Variants in PIEZO2 observed in about 807,000 individuals in gnomAD.
PIEZO2 encodes the protein piezo-type mechanosensitive ion channel component 2.
In PIEZO2, 172 loss-of-function variants were observed where a neutral mutation model predicts 337.3. The observed-to-expected ratio is 0.51, with a 90% CI of 0.45 to 0.58. PIEZO2 has a LOEUF of 0.58. Ranked by LOEUF, PIEZO2 falls within the 20% of genes least tolerant of loss-of-function variation. The pLI is 0.00. For missense variants in PIEZO2, 3,028 were observed against 3,391.3 expected (o/e 0.89, Z 2.66); for synonymous variants, 1,251 against 1,228.5 (o/e 1.02, Z -0.38).
intron 30 of PIEZO2, among the ~76,000 whole-genome samples, chr18:10,745,909 G>C: frequency 6.6e-6 from 1 of 152,148 alleles, no homozygotes; most frequent in Non-Finnish European, 1.5e-5. Flanking sequence ...TTCCCTCCCT[G>C]TTTGAGTTCC....
In PIEZO2 at chr18:10,993,425, G is replaced by A. The variant is rs182126136; in HGVS notation, c.161-13765C>T. Among the ~76,000 whole-genome samples the A allele has an allele frequency of 8.3e-4, 126 of 152,298 alleles. No homozygotes were observed. The highest frequency in any genetic ancestry group is 1.5e-3 in the Non-Finnish European group (102 of 68,020). On this transcript the variant is annotated intron_variant, in intron 2 of 55. Transcript: ENST00000674853. The surrounding 1 kb of genome is among the most constrained non-coding windows in gnomAD (Gnocchi z 5.0). ...TTGAGAGTTTTTAGCATGAAGGGGT[G>A]TTGAATTTTGTTGAAAGCCTTTTCT...
intron 47 of PIEZO2, among the ~76,000 whole-genome samples, chr18:10,691,782 C>CACACACACACACACACACACACACAT: frequency 1.0e-5 from 1 of 96,642 alleles, no homozygotes; most frequent in East Asian, 4.3e-4. Context: ...CACACACACA[C>CACACACACACACACACACACACACAT]ATATATATAT....
intron 1 of PIEZO2, among the ~76,000 whole-genome samples, chr18:11,091,379 G>A (rs1384897965): frequency 8.6e-4 from 108 of 125,536 alleles, no homozygotes; most frequent in South Asian, 2.0e-3. Flanking sequence ...GCAAGACTCC[G>A]TCTCAAAAAA....
Position 11,021,396 on chromosome 18 carries a change from T to C in PIEZO2, c.161-41736A>G, listed in dbSNP as rs1022472632. On this transcript the variant is annotated intron_variant, in intron 2 of 55. Transcript: ENST00000674853. The surrounding 1 kb of genome is among the most constrained non-coding windows in gnomAD (Gnocchi z 4.7). ...TCTACAAAAGCATCCCACTCTTGTA[T>C]TCCATGCAACCTGCGTGTGTCTGAA... Among the ~76,000 whole-genome samples, 2 of 152,200 alleles carry C rather than the reference T, an allele frequency of 1.3e-5. No homozygotes were observed. The highest frequency in any genetic ancestry group is 4.8e-5 in the African/African-American group (2 of 41,452).
At chr18:10,918,302 A>C (rs2031151840) in intron 3 of PIEZO2, among the ~76,000 whole-genome samples, 1 of 152,128 alleles carries the variant, frequency 6.6e-6, no homozygotes, top group Non-Finnish European at 1.5e-5. Context: ...TAGTTTTCAT[A>C]TTTAATGACA....
At chr18:10,949,152 T>G (rs548678424) in intron 3 of PIEZO2, among the ~76,000 whole-genome samples, 2 of 152,282 alleles carry the variant, frequency 1.3e-5, no homozygotes, top group South Asian at 4.1e-4. Flanking sequence ...GAGGAAGTAA[T>G]TGTATACATT....
rs1250272856 is a variant in PIEZO2 at position 10,705,738 on chromosome 18, G to T, written c.5597C>A (p.Thr1866Lys). 1 of 1,524,952 alleles carries T rather than the reference G, an allele frequency of 6.6e-7. No individual in the cohort carries two copies. Among genetic ancestry groups the T allele is most frequent in the Non-Finnish European group, 8.8e-7 (1 of 1,139,472 alleles). The allele number at this position is 1,524,952 out of a possible 1,614,324, so 94.5% of individuals were successfully genotyped here. Reference protein sequence around the residue: ...DSGSLASSEPTQCTMLYSRQG... With the variant: ...DSGSLASSEPKQCTMLYSRQG... ...GCGTGAGTACAGCATGGTACACTGCGTGGGCTCGCTGTTGGGAGAAAGCGT... is the reference window on the plus strand; with the variant it reads ...GCGTGAGTACAGCATGGTACACTGCTTGGGCTCGCTGTTGGGAGAAAGCGT... Residue 1866 changes from threonine to lysine, a missense_variant, in exon 41 of 56, where the codon ACG becomes AAG. Coordinates refer to ENST00000674853, the MANE Select transcript of PIEZO2 (RefSeq NM_001378183.1).
intron 1 of PIEZO2, among the ~76,000 whole-genome samples, chr18:11,113,948 A>G (rs1279870114): frequency 6.6e-6 from 1 of 152,236 alleles, no homozygotes; most frequent in African/African-American, 2.4e-5. Context: ...CTGTGATGAA[A>G]TATTCATGTA....
At position 11,066,015 on chromosome 18, in the gene PIEZO2, C is replaced by A. The variant is rs2038136064; in HGVS notation, c.160+112G>T. On this transcript the variant is annotated intron_variant, in intron 2 of 55. Transcript: ENST00000674853. ...TGACACCCACTCCATGCCATATTAG[C>A]CCTGCTGCATAGATAACATCTCTGC... 6.2e-6 allele frequency: 5 copies of A among 805,556 alleles called. No homozygotes were observed. In the East Asian group the frequency reaches 1.3e-4, roughly 22 times the overall value. 49.9% of individuals were successfully genotyped at this position (805,556 alleles called of 1,614,324 possible).
rs377031900 is a variant in PIEZO2, at chr18:10,985,044, A to G, written c.161-5384T>C. Among the ~76,000 whole-genome samples, 197 of 152,246 alleles carry G rather than the reference A, an allele frequency of 1.3e-3. 1 individual carries two copies. Among genetic ancestry groups the G allele is most frequent in the African/African-American group, 4.6e-3 (190 of 41,568 alleles). On this transcript the variant is annotated intron_variant, in intron 2 of 55. Transcript: ENST00000674853. Reference sequence around the variant, plus strand: ...TTTCCCAGAAAGGTAAAAGCTGGGAAATTTATAACCACTAGAACTGCCCTA... The same window carrying G: ...TTTCCCAGAAAGGTAAAAGCTGGGAGATTTATAACCACTAGAACTGCCCTA...
In PIEZO2 at chr18:10,689,741, T is replaced by C; in HGVS notation, c.7411A>G (p.Thr2471Ala). 1 of 1,614,242 alleles carries C rather than the reference T, an allele frequency of 6.2e-7. No individual in the cohort carries two copies. Among genetic ancestry groups the C allele is most frequent in the Non-Finnish European group, 8.5e-7 (1 of 1,180,038 alleles). ...RAVMDWVWTD[T>A]TLSLSSWICV... is the part of the protein sequence containing the mutation. ...ATCCAGCTGGACAGGCTCAAAGTTG[T>C]GTCCGTCCACACCCAGTCCATCACT... is the stretch of plus-strand genomic sequence containing the variant. Residue 2471 changes from threonine (T) to alanine (A), a missense_variant, in exon 49 of 56, where the codon ACA becomes GCA. Transcript: ENST00000674853.
intron 7 of PIEZO2, 79 bp from the exon 8 acceptor site, chr18:10,807,353 T>C (rs1043036486): frequency 1.5e-6 from 2 of 1,343,920 alleles, no homozygotes; most frequent in Admixed American, 2.3e-5. Context: ...TACTTTGTTT[T>C]TGATACATTC....
At position 10,698,934 on chromosome 18, in the gene PIEZO2, A is replaced by G; in HGVS notation, c.6685T>C (p.Ser2229Pro). 6.5e-7 allele frequency: 1 copy of G among 1,536,268 alleles called. No individual in the cohort carries two copies. Among genetic ancestry groups the G allele is most frequent in the Non-Finnish European group, 8.7e-7 (1 of 1,146,884 alleles). The change falls in exon 44 of 56, where the codon TCC (serine) becomes CCC (proline). Residue 2229 changes from serine to proline, a missense_variant. By Grantham distance (74) the Ser-to-Pro change is moderately conservative (BLOSUM62 -1). This residue lies in a region of PIEZO2 where 1,925 missense variants were observed against 2,051.9 expected (regional missense o/e 0.94). Transcript: ENST00000674853. ...TTGTGTCGACAGATACCTCTTTGGG[A>G]TCTGTTTGAAGAAAAGCTGGATCTC... is the stretch of plus-strand genomic sequence containing the variant. ...SQRSSFSSNRSQRGSTSTRNS... is the reference protein window; with the variant it reads ...SQRSSFSSNRPQRGSTSTRNS...
intron 7 of PIEZO2, among the ~76,000 whole-genome samples, chr18:10,840,093 G>C (rs75734113): frequency 0.058 from 8,843 of 152,100 alleles, 361 homozygotes; most frequent in Non-Finnish European, 0.084. Context: ...AAAAAGTATG[G>C]GTCAAAAGGA....
In PIEZO2 at chr18:10,724,909, G is replaced by C; in HGVS notation, c.5029+6498C>G. On this transcript the variant is annotated intron_variant, in intron 36 of 55. Transcript: ENST00000674853. The surrounding 1 kb of genome is among the most constrained non-coding windows in gnomAD (Gnocchi z 5.8). ...TGGCCGGCGGGGGCGTGGCACCCTGGGACAGCCTCCACCTGGACGGCGATG... is the reference window on the plus strand; with the variant it reads ...TGGCCGGCGGGGGCGTGGCACCCTGCGACAGCCTCCACCTGGACGGCGATG... The C allele has an allele frequency of 6.8e-6, 11 of 1,609,152 alleles. No homozygotes were observed. The highest frequency in any genetic ancestry group is 7.6e-6 in the Non-Finnish European group (9 of 1,178,078).
In PIEZO2 at chr18:10,993,835, G is replaced by GC. The variant is rs2035202217; in HGVS notation, c.161-14176dup. On this transcript the variant is annotated intron_variant, in intron 2 of 55. Coordinates refer to ENST00000674853, the MANE Select transcript of PIEZO2 (RefSeq NM_001378183.1). The surrounding 1 kb of genome is among the most constrained non-coding windows in gnomAD (Gnocchi z 5.0). ...AGCCACCGCTCCTGGCCATGTCTCT[G>GC]CTTTTTTTTTATTATTAATTTTAAA... Among the ~76,000 whole-genome samples, 1 of 151,524 alleles carries GC rather than the reference G, an allele frequency of 6.6e-6. No individual in the cohort carries two copies. The highest frequency in any genetic ancestry group is 2.4e-5 in the African/African-American group (1 of 40,900).
At chr18:11,106,262 AT>A (rs34892450) in intron 1 of PIEZO2, among the ~76,000 whole-genome samples, 3,866 of 114,620 alleles carry the variant, frequency 0.034, 66 homozygotes, top group African/African-American at 0.071. Context: ...AATTTTTTGT[AT>A]TTTTTTTTTT....
intron 2 of PIEZO2, among the ~76,000 whole-genome samples, chr18:10,981,564 G>A (rs1270570116): frequency 2.0e-5 from 3 of 152,288 alleles, no homozygotes; most frequent in Non-Finnish European, 4.4e-5. Context: ...AAGAATAGAA[G>A]AGAATCTCTT....
At chr18:10,936,943 A>G (rs1294096891) in intron 3 of PIEZO2, among the ~76,000 whole-genome samples, 1 of 152,094 alleles carries the variant, frequency 6.6e-6, no homozygotes, top group Non-Finnish European at 1.5e-5. Flanking sequence ...GAATCCCCCC[A>G]TGACTTCTTC....
Sources: gnomAD v4.1 joint callset for allele counts (sites outside exome capture counted in the v4.1 genomes callset) on GRCh38, gnomAD v4.1.1 for gene constraint, gnomAD v4.1.1 regional missense constraint, Gnocchi (gnomAD v3.1) non-coding constraint, MANE v1.5 for transcripts, NCBI Gene and HGNC (gene_info 2026-07-23, HGNC 2026-07-21) for gene names.